Variants in ZFP64 observed in about 807,000 individuals in gnomAD.
The protein encoded by ZFP64 is zinc finger protein 64.
Under a neutral mutation model 51.6 loss-of-function variants are expected in ZFP64, and 14 were observed. The ratio of observed to expected loss-of-function variants is 0.27; its 90% confidence interval spans 0.18 to 0.42. ZFP64 has a LOEUF of 0.42. ZFP64 is among the 10% of genes least tolerant of loss of function. ZFP64 has a pLI of 1.00. For synonymous variants in ZFP64, 375 were observed against 361.4 expected, an observed-to-expected ratio of 1.04 and a Z score of -0.43; for missense variants, 754 against 906.8, an observed-to-expected ratio of 0.83 and a Z score of 2.16.
intron 8 of ZFP64, chr20:52,088,233 G>A (rs112197264): frequency 3.7e-5 from 45 of 1,224,782 alleles, no homozygotes; most frequent in Non-Finnish European, 4.7e-5. Context: ...TGTTGTTCCG[G>A]CAACAGAAAA....
chr20:52,108,987 C>T (rs1009196428), intron 5 of ZFP64, among the ~76,000 whole-genome samples: 1 of 151,984 alleles, frequency 6.6e-6, no homozygotes. Context: ...CTTTCAATCC[C>T]ATTTGCCTAT....
At position 52,158,476 on chromosome 20, in the gene ZFP64, C is replaced by T. The variant is rs144494094; in HGVS notation, c.763+1647G>A. Reference sequence around the variant, plus strand: ...ATCCTAGCACTTTGGGAGGTTGAGGCGGGTGGATTGCCTGAGCTCAGGAGT... The same window carrying T: ...ATCCTAGCACTTTGGGAGGTTGAGGTGGGTGGATTGCCTGAGCTCAGGAGT... On this transcript the variant is annotated intron_variant, in intron 5 of 5. Coordinates refer to ENST00000216923, the MANE Select transcript of ZFP64 (RefSeq NM_018197.3). Among the ~76,000 whole-genome samples the T allele has an allele frequency of 2.9e-3, 444 of 152,184 alleles. 8 individuals are homozygous for T. The highest frequency in any genetic ancestry group is 0.021 in the Admixed American group (322 of 15,298).
intron 8 of ZFP64, among the ~76,000 whole-genome samples, chr20:52,087,249 T>G (rs144238315): frequency 2.0e-4 from 31 of 152,290 alleles, no homozygotes; most frequent in African/African-American, 7.2e-4. Context: ...TCTCATTTGA[T>G]TTTCTATTTT....
chr20:52,113,370 C>G (rs1280584984), intron 5 of ZFP64, among the ~76,000 whole-genome samples: 1 of 149,208 alleles, frequency 6.7e-6, no homozygotes, highest in Non-Finnish European at 1.5e-5. Context: ...GAAAACTAGA[C>G]AGGAACAAAT....
At chr20:52,181,223 C>T (rs1335377813) in intron 2 of ZFP64, among the ~76,000 whole-genome samples, 2 of 152,184 alleles carry the variant, frequency 1.3e-5, no homozygotes, top group East Asian at 1.9e-4. Flanking sequence ...ATTACAGGCA[C>T]GAGCCACCAC....
At position 52,170,304 on chromosome 20, in the gene ZFP64, T is replaced by A. The variant is rs1300556213; in HGVS notation, c.287-4279A>T. Among the ~76,000 whole-genome samples the A allele has an allele frequency of 2.6e-5, 4 of 151,556 alleles. No individual in the cohort carries two copies. In the East Asian group the frequency reaches 7.8e-4, roughly 30 times the overall value. ...CTGTCTCTACTAAAAACACAAAAAT[T>A]AGCCAGGCGTGGTGGTGCGCACCTG... On this transcript the variant is annotated intron_variant, in intron 2 of 5. Transcript: ENST00000216923.
At chr20:52,123,546 G>A (rs1229182106) in intron 5 of ZFP64, among the ~76,000 whole-genome samples, 2 of 152,098 alleles carry the variant, frequency 1.3e-5, no homozygotes, top group East Asian at 1.9e-4. Flanking sequence ...ACCCACTGAA[G>A]GCTAAGATGA....
intron 7 of ZFP64, among the ~76,000 whole-genome samples, chr20:52,092,420 A>G (rs934646609): frequency 1.3e-5 from 2 of 152,228 alleles, no homozygotes; most frequent in African/African-American, 4.8e-5. Flanking sequence ...TAGACTTTGG[A>G]AAAGCAGAAG....
rs180693972 is a variant in ZFP64 at position 52,110,544 on chromosome 20, A to C, written c.764-11957T>G. On this transcript the variant is annotated intron_variant, in intron 5 of 8. Transcript: ENST00000361387. Reference sequence around the variant, plus strand: ...GGTATTGCTCGGCCCAGTTCTTCTCAGTCTCCTTCACACTTGAGAGGTGGT... The same window carrying C: ...GGTATTGCTCGGCCCAGTTCTTCTCCGTCTCCTTCACACTTGAGAGGTGGT... The C allele has an allele frequency of 1.1e-4, 81 of 725,028 alleles. No homozygotes were observed. In the Middle Eastern group the frequency reaches 1.2e-3, roughly 11 times the overall value. The allele number at this position is 725,028 out of a possible 1,614,324, so 44.9% of individuals were successfully genotyped here. A position where few individuals can be genotyped will look rare whatever the true frequency, so the allele number is the denominator to read the frequency against.
chr20:52,094,674 A>G (rs986891714), intron 7 of ZFP64, among the ~76,000 whole-genome samples: 1 of 152,204 alleles, frequency 6.6e-6, no homozygotes, highest in African/African-American at 2.4e-5. Flanking sequence ...CATGAGGATC[A>G]CTTGAACCTG....
At chr20:52,142,179 C>T (rs62215760) in intron 5 of ZFP64, among the ~76,000 whole-genome samples, 1 of 151,696 alleles carries the variant, frequency 6.6e-6, no homozygotes, top group African/African-American at 2.4e-5. Flanking sequence ...CCAGTCTGGC[C>T]AAGATGGTGA....
chr20:52,145,484 C>A (rs1272809975), intron 5 of ZFP64, among the ~76,000 whole-genome samples: 1 of 151,992 alleles, frequency 6.6e-6, no homozygotes, highest in Non-Finnish European at 1.5e-5. Context: ...AACACCCCAT[C>A]TCTACAAAAA....
intron 8 of ZFP64, chr20:52,088,239 G>A (rs2078884931): frequency 7.7e-7 from 1 of 1,296,410 alleles, no homozygotes; most frequent in Admixed American, 2.4e-5. Flanking sequence ...TCCGGCAACA[G>A]AAAAATGACA....
At chr20:52,166,199 C>A (rs538454720) in intron 2 of ZFP64, among the ~76,000 whole-genome samples, 174 bp from the exon 3 acceptor site, 1 of 142,226 alleles carries the variant, frequency 7.0e-6, no homozygotes, top group Non-Finnish European at 1.5e-5. Context: ...AGAGAGCATC[C>A]GCTGGGAGAC....
At chr20:52,187,882 G>T (rs1355005939) in intron 1 of ZFP64, among the ~76,000 whole-genome samples, 1 of 152,076 alleles carries the variant, frequency 6.6e-6, no homozygotes, top group Non-Finnish European at 1.5e-5. Context: ...CAACTAAAAG[G>T]TAATTGTGAA....
At chr20:52,140,961 G>T (rs768898262) in intron 5 of ZFP64, among the ~76,000 whole-genome samples, 2 of 152,070 alleles carry the variant, frequency 1.3e-5, no homozygotes, top group Non-Finnish European at 2.9e-5. Context: ...AAATCCTAAG[G>T]CCCTTAAGAA....
chr20:52,174,101 C>A (rs1391137206), intron 2 of ZFP64, among the ~76,000 whole-genome samples: 1 of 152,124 alleles, frequency 6.6e-6, no homozygotes, highest in African/African-American at 2.4e-5. Context: ...TCCCCCTGCA[C>A]CCACCACAGA....
intron 2 of ZFP64, among the ~76,000 whole-genome samples, chr20:52,178,100 A>G (rs1983367421): frequency 6.6e-6 from 1 of 151,938 alleles, no homozygotes; most frequent in Non-Finnish European, 1.5e-5. Context: ...ACCTGACCCA[A>G]CCACTCCCTG....
At chr20:52,162,737 C>T (rs935438183) in intron 4 of ZFP64, among the ~76,000 whole-genome samples, 13 of 152,176 alleles carry the variant, frequency 8.5e-5, no homozygotes, top group Admixed American at 4.6e-4. Context: ...GTAGTTCCTG[C>T]GGTCACTACA....
Sources: gnomAD v4.1 joint callset for allele counts (sites outside exome capture counted in the v4.1 genomes callset) on GRCh38, gnomAD v4.1.1 for gene constraint, MANE v1.5 for transcripts, NCBI Gene and HGNC (gene_info 2026-07-23, HGNC 2026-07-21) for gene names.